The following CCDC18 variants were observed in gnomAD, a reference collection of about 807,000 sequenced individuals.
The protein encoded by CCDC18 is coiled-coil domain containing 18, also known as coiled-coil domain-containing protein 18.
A neutral mutation model predicts 196.0 loss-of-function variants in CCDC18; 157 were observed. That is an observed-to-expected ratio of 0.80 (90% CI 0.70 to 0.91). CCDC18 has a LOEUF of 0.91. CCDC18 is among the 40% of genes least tolerant of loss of function. CCDC18 has a pLI of 0.00. For missense variants in CCDC18, 1,465 were observed against 1,611.6 expected (o/e 0.91, Z 1.56); for synonymous variants, 482 against 529.2 (o/e 0.91, Z 1.22).
intron 14 of CCDC18, among the ~76,000 whole-genome samples, chr1:93,218,728 T>A (rs145248234): frequency 0.016 from 2,404 of 152,188 alleles, 29 homozygotes; most frequent in Non-Finnish European, 0.024. Flanking sequence ...CAGGCTGATG[T>A]CAAACTCCTG....
chr1:93,250,728 C>T (rs1309216967), intron 23 of CCDC18, among the ~76,000 whole-genome samples: 1 of 152,128 alleles, frequency 6.6e-6, no homozygotes, highest in Non-Finnish European at 1.5e-5. Flanking sequence ...CCTTCTTTGT[C>T]TCTTTCTACT....
intron 5 of CCDC18, among the ~76,000 whole-genome samples, chr1:93,192,805 C>T (rs1459117699): frequency 6.6e-6 from 1 of 152,130 alleles, no homozygotes; most frequent in African/African-American, 2.4e-5. Flanking sequence ...TATTAAATAA[C>T]ATATTACTCT....
intron 21 of CCDC18, among the ~76,000 whole-genome samples, chr1:93,241,083 T>C (rs961839261): frequency 6.6e-6 from 1 of 152,016 alleles, no homozygotes; most frequent in Non-Finnish European, 1.5e-5. Context: ...AGCCACCAAG[T>C]AACTGGGATT....
At position 93,205,623 on chromosome 1, in the gene CCDC18, G is replaced by C. The variant is rs762696665; in HGVS notation, c.909G>C (p.Glu303Asp). ...LYKSELEILK[E>D]KLRQLKEENN... ...AAAGTGAACTTGAAATTCTGAAAGA[G>C]AAATTAAGGTACAGTATTCTGTTGT... Residue 303 changes from glutamate (E) to aspartate (D), a missense_variant, in exon 8 of 29, where the codon GAG becomes GAC. Physicochemically the swap from Glu to Asp is conservative, Grantham distance 45. Coordinates refer to ENST00000690025, the MANE Select transcript of CCDC18 (RefSeq NM_001378204.1). 8 of 1,591,756 alleles carry C rather than the reference G, an allele frequency of 5.0e-6. No individual in the cohort carries two copies. The Admixed American group carries it at 1.5e-4, about 29-fold the overall frequency.
At chr1:93,243,266 T>A (rs1446108280) in intron 21 of CCDC18, among the ~76,000 whole-genome samples, 1 of 152,258 alleles carries the variant, frequency 6.6e-6, no homozygotes, top group African/African-American at 2.4e-5. Flanking sequence ...TTCTGTGTAC[T>A]CACAGATTCA....
intron 21 of CCDC18, among the ~76,000 whole-genome samples, chr1:93,241,671 A>C (rs1355407925): frequency 6.7e-6 from 1 of 149,672 alleles, no homozygotes; most frequent in Non-Finnish European, 1.5e-5. Flanking sequence ...GCAATGAGCC[A>C]AGAATGAGCC....
chr1:93,181,243 G>A (rs1359560838), intron 1 of CCDC18, among the ~76,000 whole-genome samples: 1 of 122,998 alleles, frequency 8.1e-6, no homozygotes, highest in African/African-American at 3.2e-5. Context: ...AAGATTAGCT[G>A]TGTCAAGCGA....
chr1:93,188,241 A>C lies in CCDC18; in HGVS notation c.462+1738A>C, dbSNP rs138128422. Among the ~76,000 whole-genome samples, 1,063 of 152,342 alleles carry C rather than the reference A, an allele frequency of 7.0e-3. 13 individuals are homozygous for C. Among genetic ancestry groups the C allele is most frequent in the African/African-American group, 0.024 (1,014 of 41,570 alleles). The stretch of plus-strand genomic sequence containing the variant: ...ATGCCCACTATTGAGACTGTTTTGC[A>C]GAAATCAATCAATATATTCATAACT... On this transcript the variant is annotated intron_variant, in intron 4 of 28. Transcript: ENST00000690025.
At chr1:93,246,816 A>G (rs773102320) in intron 22 of CCDC18, 22 bp from the exon 23 acceptor site, 21 of 1,057,686 alleles carry the variant, frequency 2.0e-5, no homozygotes, top group Non-Finnish European at 2.8e-5. Context: ...AAATTGAACA[A>G]CAGTTTAAGG....
chr1:93,247,040 T>G, intron 23 of CCDC18, 86 bp downstream of exon 23: 1 of 623,780 alleles, frequency 1.6e-6, no homozygotes, highest in South Asian at 1.8e-5. Context: ...ATAGTGGGTG[T>G]TTTTTGTTAT....
intron 16 of CCDC18, 35 bp from the exon 17 acceptor site, chr1:93,226,298 G>GT (rs34227600): frequency 0.045 from 26,247 of 587,264 alleles, 6 homozygotes; most frequent in East Asian, 0.08. Flanking sequence ...ATCGTTTTGT[G>GT]TTTTTTTTTT....
chr1:93,233,977 CTA>C (rs1329593281), intron 18 of CCDC18, among the ~76,000 whole-genome samples: 1 of 152,092 alleles, frequency 6.6e-6, no homozygotes. Flanking sequence ...GCTATGCCTA[CTA>C]TACAGCTTCA....
At chr1:93,182,344 G>A (rs1485782222) in intron 1 of CCDC18, among the ~76,000 whole-genome samples, 2 of 152,110 alleles carry the variant, frequency 1.3e-5, no homozygotes, top group African/African-American at 4.8e-5. Context: ...TTTAGTATTC[G>A]TTAATTCATT....
rs1350055556 is a variant in CCDC18, at chr1:93,236,304, G to A, written c.2517G>A (p.Leu839=). Residue 839 remains leucine, a synonymous_variant, in exon 19 of 29, where the codon TTG becomes TTA. Transcript: ENST00000690025. ...QKQRESSAEK[L]RKMEEKCESA... ...AAAGGGAAAGTTCAGCTGAAAAGTT[G>A]AGAAAAATGGAGGAGAAATGTGAAT... The A allele has an allele frequency of 2.5e-6, 4 of 1,575,982 alleles. No homozygotes were observed. The highest frequency in any genetic ancestry group is 3.4e-6 in the Non-Finnish European group (4 of 1,168,384).
rs546245514 is a variant in CCDC18, at chr1:93,264,778, C to A, written c.3762C>A (p.Asn1254Lys). 1 of 1,612,394 alleles carries A rather than the reference C, an allele frequency of 6.2e-7. No homozygotes were observed. Among genetic ancestry groups the A allele is most frequent in the East Asian group, 2.2e-5 (1 of 44,754 alleles). ...DSQKSSVQQL[N>K]EQLEKAKLEL... The stretch of plus-strand genomic sequence containing the variant: ...AAAAGTCTTCTGTTCAGCAACTAAA[C>A]GAACAGTTAGAGAAGGCAAAATTGG... The change falls in exon 27 of 29, where the codon AAC becomes AAA. Residue 1254 changes from asparagine to lysine, a missense_variant. Physicochemically the swap from Asn to Lys is moderately conservative, Grantham distance 94. Coordinates refer to ENST00000690025, the MANE Select transcript of CCDC18 (RefSeq NM_001378204.1).
chr1:93,251,869 C>T (rs996474205), intron 23 of CCDC18, among the ~76,000 whole-genome samples: 3 of 152,232 alleles, frequency 2.0e-5, no homozygotes, highest in Middle Eastern at 3.4e-3. Context: ...CTTTCTACCC[C>T]TTTGTCTTTC....
At chr1:93,209,923 T>A (rs764464560) in intron 9 of CCDC18, among the ~76,000 whole-genome samples, 2 of 152,044 alleles carry the variant, frequency 1.3e-5, no homozygotes, top group African/African-American at 2.4e-5. Flanking sequence ...TAGCTGGGCA[T>A]GGTGGCGCAT....
rs1043766054 is a variant in CCDC18, at chr1:93,183,246, T to G, written c.-2-114T>G. The stretch of plus-strand genomic sequence containing the variant: ...TTTTGTTTTAAACCACCATGAAAGA[T>G]TTCACAACATTTAAAATAGAAAACT... On this transcript the variant is annotated intron_variant, in intron 1 of 28. Transcript: ENST00000690025. The G allele has an allele frequency of 2.1e-5, 15 of 729,518 alleles. No individual in the cohort carries two copies. The African/African-American group carries it at 2.3e-4, about 11-fold the overall frequency. The allele number at this position is 729,518 out of a possible 1,614,324, so 45.2% of individuals were successfully genotyped here. A position where few individuals can be genotyped will look rare whatever the true frequency, so the allele number is the denominator to read the frequency against.
rs539588830 is a variant in CCDC18, at chr1:93,207,897, T to C, written c.1209+499T>C. ...AAATGAACTCGTATAATATGTGCTC[T>C]TTTGCACCTGGTCTTTTGCATTCTT... On this transcript the variant is annotated intron_variant, in intron 9 of 28. Coordinates refer to ENST00000690025, the MANE Select transcript of CCDC18 (RefSeq NM_001378204.1). Among the ~76,000 whole-genome samples, 30 of 152,348 alleles carry C rather than the reference T, an allele frequency of 2.0e-4. No homozygotes were observed. In the East Asian group the frequency reaches 4.6e-3, roughly 24 times the overall value.
Sources: gnomAD v4.1 joint callset for allele counts (sites outside exome capture counted in the v4.1 genomes callset) on GRCh38, gnomAD v4.1.1 for gene constraint, MANE v1.5 for transcripts, NCBI Gene and HGNC (gene_info 2026-07-23, HGNC 2026-07-21) for gene names.